Variants in MARCHF10 observed in about 807,000 individuals in gnomAD.
MARCHF10 encodes the protein membrane associated ring-CH-type finger 10, also known as probable E3 ubiquitin-protein ligase MARCHF10.
MARCHF10 carries 64 observed loss-of-function variants against 76.2 expected under a neutral mutation model. The ratio of observed to expected loss-of-function variants is 0.84; its 90% CI spans 0.69 to 1.03. The LOEUF (loss-of-function observed/expected upper bound fraction) is 1.03. Ranked by LOEUF, MARCHF10 falls within the 50% of genes least tolerant of loss-of-function variation. The probability of loss-of-function intolerance (pLI) is 0.00; values close to 1 mark genes in which losing one functional copy is unlikely to be tolerated. For synonymous variants in MARCHF10, 340 were observed against 357.5 expected, an observed-to-expected ratio of 0.95 and a Z score of 0.55; for missense variants, 875 against 958.0, an observed-to-expected ratio of 0.91 and a Z score of 1.14.
At chr17:62,739,946 C>T (rs568417102) in intron 5 of MARCHF10, among the ~76,000 whole-genome samples, 1 of 152,032 alleles carries the variant, frequency 6.6e-6, no homozygotes, top group Non-Finnish European at 1.5e-5. Flanking sequence ...CCAGGGTATG[C>T]GCGGTGTTGC....
At chr17:62,781,049 T>A (rs1438483911) in intron 3 of MARCHF10, 1 of 152,210 alleles carries the variant, frequency 6.6e-6, no homozygotes, top group Non-Finnish European at 1.5e-5. Flanking sequence ...GCCTCTTTGC[T>A]TTTTAGTCTA....
chr17:62,771,829 G>A (rs959844700), intron 3 of MARCHF10, among the ~76,000 whole-genome samples: 3 of 151,796 alleles, frequency 2.0e-5, no homozygotes, highest in African/African-American at 7.3e-5. Context: ...TGCCAGCCTC[G>A]GCCTCCCAAA....
At chr17:62,726,859 C>T (rs745540150) in intron 6 of MARCHF10, among the ~76,000 whole-genome samples, 3 of 152,034 alleles carry the variant, frequency 2.0e-5, no homozygotes, top group Non-Finnish European at 4.4e-5. Context: ...GAACCCTTGA[C>T]CTCAGGTGAT....
Position 62,777,713 on chromosome 17 carries a change from C to CAAAAAAAAAAA in MARCHF10, c.210+10756_210+10766dup, listed in dbSNP as rs386386400. 1.4e-3 allele frequency among the ~76,000 whole-genome samples: 86 copies of CAAAAAAAAAAA among 59,580 alleles called. 4 individuals are homozygous for CAAAAAAAAAAA. The highest frequency in any genetic ancestry group is 0.014 in the Middle Eastern group (1 of 72). The allele number at this position is 59,580 out of a possible 152,430, so 39.1% of individuals were successfully genotyped here. On this transcript the variant is annotated intron_variant, in intron 3 of 10. Transcript: ENST00000311269. ...TGGGTTACAAAGTGAGACTCCATCTCAAAAAAAAAAAAAAGAAAAAAAAAA... is the reference window on the plus strand; with the variant it reads ...TGGGTTACAAAGTGAGACTCCATCTCAAAAAAAAAAAAAAAAAAAAAAAAAGAAAAAAAAAA...
intron 3 of MARCHF10, among the ~76,000 whole-genome samples, chr17:62,775,285 C>A (rs1171237778): frequency 6.6e-6 from 1 of 151,856 alleles, no homozygotes; most frequent in African/African-American, 2.4e-5. Context: ...ACCACCACGC[C>A]CAGCTTATTT....
Position 62,765,994 on chromosome 17 carries a change from G to GACC in MARCHF10, c.211-5991_211-5989dup, listed in dbSNP as rs1480122337. Among the ~76,000 whole-genome samples, 4 of 151,688 alleles carry GACC rather than the reference G, an allele frequency of 2.6e-5. No homozygotes were observed. The East Asian group carries it at 7.8e-4, about 29-fold the overall frequency. On this transcript the variant is annotated intron_variant, in intron 3 of 10. Coordinates refer to ENST00000311269, the MANE Select transcript of MARCHF10 (RefSeq NM_152598.4). Reference sequence around the variant, plus strand: ...GAGGCACTTGAGCCCAGGAGTTTGAGACCAGCCTGGGCAACATAGCGAGAC... The same window carrying GACC: ...GAGGCACTTGAGCCCAGGAGTTTGAGACCACCAGCCTGGGCAACATAGCGAGAC...
At chr17:62,787,159 T>C (rs560620330) in intron 3 of MARCHF10, among the ~76,000 whole-genome samples, 8 of 152,296 alleles carry the variant, frequency 5.3e-5, no homozygotes, top group African/African-American at 1.9e-4. Context: ...TATTGTGAGA[T>C]AGTCTCTTTC....
chr17:62,702,306 T>C (rs2089290647), intron 10 of MARCHF10, among the ~76,000 whole-genome samples: 1 of 151,708 alleles, frequency 6.6e-6, no homozygotes, highest in Admixed American at 6.6e-5. Flanking sequence ...AACTCTTGTC[T>C]CAATATGTTT....
At chr17:62,773,523 A>C (rs921192117) in intron 3 of MARCHF10, among the ~76,000 whole-genome samples, 2 of 152,170 alleles carry the variant, frequency 1.3e-5, no homozygotes, top group East Asian at 3.8e-4. Context: ...ATGTGGGATA[A>C]GGAAGGGCTG....
chr17:62,749,137 G>A (rs918850491), intron 4 of MARCHF10, among the ~76,000 whole-genome samples: 1 of 152,132 alleles, frequency 6.6e-6, no homozygotes, highest in African/African-American at 2.4e-5. Context: ...AAAGGCATCT[G>A]CCTCTGTTCT....
chr17:62,804,454 AAAAG>A (rs1204852533), intron 1 of MARCHF10, among the ~76,000 whole-genome samples: 1 of 152,202 alleles, frequency 6.6e-6, no homozygotes, highest in African/African-American at 2.4e-5. Context: ...CTGCGGAAAA[AAAAG>A]AAAAAGCCAG....
Position 62,760,005 on chromosome 17 carries a change from C to G in MARCHF10, c.212G>C (p.Ser71Thr). The stretch of plus-strand genomic sequence containing the variant: ...AGTTAGAGCATCCTCCTCACTAGAA[C>G]TCTACCAAAAATGAAATACGTCTGA... ...RFSSRSSSKQ[S>T]SSEEDALTEP... Residue 71 changes from serine to threonine, a missense_variant and splice_region_variant, in exon 4 of 11, where the codon AGT becomes ACT. Coordinates refer to ENST00000311269, the MANE Select transcript of MARCHF10 (RefSeq NM_152598.4). 1 of 1,612,086 alleles carries G rather than the reference C, an allele frequency of 6.2e-7. No homozygotes were observed. The highest frequency in any genetic ancestry group is 8.5e-7 in the Non-Finnish European group (1 of 1,179,042).
intron 4 of MARCHF10, among the ~76,000 whole-genome samples, chr17:62,759,614 G>A (rs943017721): frequency 6.6e-6 from 1 of 152,142 alleles, no homozygotes; most frequent in Non-Finnish European, 1.5e-5. Flanking sequence ...GAGTAGCTGG[G>A]ATTACAGGAT....
At chr17:62,722,308 A>G (rs2090532317) in intron 8 of MARCHF10, among the ~76,000 whole-genome samples, 180 bp downstream of exon 8, 1 of 150,786 alleles carries the variant, frequency 6.6e-6, no homozygotes, top group Non-Finnish European at 1.5e-5. Context: ...AAGGCTTTTC[A>G]ACTCTCTAAT....
chr17:62,793,070 C>A (rs1211417623), intron 2 of MARCHF10, among the ~76,000 whole-genome samples: 2 of 149,808 alleles, frequency 1.3e-5, no homozygotes, highest in African/African-American at 4.9e-5. Context: ...ACTACCAACA[C>A]CTCCATCACC....
Position 62,705,545 on chromosome 17 carries a change from T to C in MARCHF10, c.2365A>G (p.Asn789Asp), listed in dbSNP as rs775452985. 1 of 1,614,192 alleles carries C rather than the reference T, an allele frequency of 6.2e-7. No homozygotes were observed. The highest frequency in any genetic ancestry group is 8.5e-7 in the Non-Finnish European group (1 of 1,180,014). The change falls in exon 10 of 11, where the codon AAT becomes GAT. Residue 789 changes from asparagine (N) to aspartate (D), a missense_variant. Asn to Asp is a conservative substitution (Grantham distance 23, BLOSUM62 1). Transcript: ENST00000311269. Reference sequence around the variant, plus strand: ...ACTGGCCCCCAAAACCTACTTTCATTTTCCTCTGTTCTGGGTTGTGGGTAA... The same window carrying C: ...ACTGGCCCCCAAAACCTACTTTCATCTTCCTCTGTTCTGGGTTGTGGGTAA... ...RNYPQPRTEE[N>D]ENSELGDGNE... is the part of the protein sequence containing the mutation.
At chr17:62,798,787 C>A (rs943116680) in intron 2 of MARCHF10, among the ~76,000 whole-genome samples, 1 of 152,184 alleles carries the variant, frequency 6.6e-6, no homozygotes, top group South Asian at 2.1e-4. Flanking sequence ...GACTTAAGCA[C>A]GTTCGTGGAC....
chr17:62,804,351 A>T (rs1386897401), intron 1 of MARCHF10, among the ~76,000 whole-genome samples: 2 of 152,192 alleles, frequency 1.3e-5, no homozygotes, highest in African/African-American at 4.8e-5. Context: ...CTGAAGTTGA[A>T]GGAAGAATGG....
chr17:62,799,564 A>G (rs1402322258), intron 2 of MARCHF10, among the ~76,000 whole-genome samples: 1 of 152,138 alleles, frequency 6.6e-6, no homozygotes, highest in Non-Finnish European at 1.5e-5. Context: ...CCTGACCAAC[A>G]TGGAGAAACC....
Sources: gnomAD v4.1 joint callset for allele counts (sites outside exome capture counted in the v4.1 genomes callset) on GRCh38, gnomAD v4.1.1 for gene constraint, MANE v1.5 for transcripts, NCBI Gene and HGNC (gene_info 2026-07-23, HGNC 2026-07-21) for gene names.